The following PON1 variants were observed in gnomAD, a reference collection of about 807,000 sequenced individuals.
PON1 encodes the protein paraoxonase 1, also known as serum paraoxonase/arylesterase 1.
Under a neutral mutation model 39.2 loss-of-function variants are expected in PON1, and 37 were observed. The observed-to-expected ratio is 0.94, with a 90% CI of 0.73 to 1.24. The LOEUF is 1.24. PON1 is among the 50% of genes most tolerant of loss of function. PON1 has a pLI of 0.00. For synonymous variants in PON1, 148 were observed against 152.2 expected (o/e 0.97, Z 0.21); for missense variants, 397 against 413.5 (o/e 0.96, Z 0.35).
intron 8 of PON1, 83 bp downstream of exon 8, chr7:95,302,122 C>CAAAAAAAAAAAAA (rs1491528427): frequency 7.8e-6 from 3 of 383,276 alleles, no homozygotes; most frequent in Admixed American, 1.2e-4. Context: ...AAAAAAAAAA[C>CAAAAAAAAAAAAA]CAAGAATTGA....
At chr7:95,319,266 C>T (rs1049048057) in intron 1 of PON1, among the ~76,000 whole-genome samples, 1 of 151,242 alleles carries the variant, frequency 6.6e-6, no homozygotes, top group Non-Finnish European at 1.5e-5. Flanking sequence ...ATGACTTGAA[C>T]TCACAGGAGG....
intron 1 of PON1, among the ~76,000 whole-genome samples, chr7:95,320,273 G>A (rs936502706): frequency 6.6e-6 from 1 of 152,218 alleles, no homozygotes; most frequent in African/African-American, 2.4e-5. Flanking sequence ...CACAAAAGAT[G>A]GAGAAAGGCA....
At chr7:95,318,536 G>T in intron 1 of PON1, 143 bp from the exon 2 acceptor site, 1 of 723,382 alleles carries the variant, frequency 1.4e-6, no homozygotes, top group Non-Finnish European at 2.4e-6. Flanking sequence ...ATTTTTCCAG[G>T]CAAGGCCAGG....
At chr7:95,318,077 CTTTTTTTCT>C (rs1347377117) in intron 2 of PON1, among the ~76,000 whole-genome samples, 8 of 111,104 alleles carry the variant, frequency 7.2e-5, no homozygotes, top group Non-Finnish European at 1.1e-4. Context: ...TTTCTTTTTT[CTTTTTTTCT>C]TTTTTTTTTT....
chr7:95,321,175 T>C (rs1192118510), intron 1 of PON1, among the ~76,000 whole-genome samples: 1 of 152,122 alleles, frequency 6.6e-6, no homozygotes, highest in Non-Finnish European at 1.5e-5. Context: ...GAGTGAGAAT[T>C]CACTCACTCC....
At chr7:95,300,089 C>T (rs372899033) in intron 8 of PON1, among the ~76,000 whole-genome samples, 11 of 152,302 alleles carry the variant, frequency 7.2e-5, no homozygotes, top group African/African-American at 2.4e-4. Context: ...GTTCAGTTTC[C>T]TTCACTTAAT....
chr7:95,306,442 T>A, intron 6 of PON1, 76 bp from the exon 7 acceptor site: 1 of 1,034,344 alleles, frequency 9.7e-7, no homozygotes, highest in Non-Finnish European at 1.5e-6. Flanking sequence ...TTGTAATACC[T>A]ATTCATAGGG....
intron 7 of PON1, among the ~76,000 whole-genome samples, chr7:95,304,772 TAATACGGTCTTTCAAA>T (rs1436994735): frequency 1.3e-5 from 2 of 152,228 alleles, no homozygotes; most frequent in Non-Finnish European, 2.9e-5. Flanking sequence ...TGATATTAAT[TAATACGGTCTTTCAAA>T]AGAAAGAATA....
Position 95,302,113 on chromosome 7 carries a change from A to AAC in PON1, c.909+91_909+92insGT, listed in dbSNP as rs1807443930. ...CTCTGTCACAAAAAAAAAAAAAAAA[A>AAC]AAAAAAAACCAAGAATTGAGAATTA... On this transcript the variant is annotated intron_variant, in intron 8 of 8. Transcript: ENST00000222381. 9.4e-6 allele frequency: 8 copies of AAC among 847,122 alleles called. No homozygotes were observed. In the African/African-American group the frequency reaches 1.5e-4, roughly 16 times the overall value. 52.5% of individuals were successfully genotyped at this position (847,122 alleles called of 1,614,324 possible).
chr7:95,324,487 G>T lies in PON1; in HGVS notation c.-12C>A. ...ATCAGCTTCGCCATGGTCGGGGATA[G>T]ACAAAGGGATCGATGGGCGCAGACA... On this transcript the variant is annotated 5_prime_UTR_variant, in exon 1 of 9. Transcript: ENST00000222381. 1 of 1,613,738 alleles carries T rather than the reference G, an allele frequency of 6.2e-7. No homozygotes were observed. The highest frequency in any genetic ancestry group is 1.1e-5 in the South Asian group (1 of 90,994).
chr7:95,318,139 A>C (rs1807812699), intron 2 of PON1, among the ~76,000 whole-genome samples, 184 bp downstream of exon 2: 1 of 149,960 alleles, frequency 6.7e-6, no homozygotes, highest in African/African-American at 2.5e-5. Flanking sequence ...CAAAACTCCC[A>C]ACACCTTGGC....
intron 6 of PON1, among the ~76,000 whole-genome samples, chr7:95,306,720 T>C (rs1410166226): frequency 6.6e-6 from 1 of 152,078 alleles, no homozygotes; most frequent in Non-Finnish European, 1.5e-5. Context: ...GGCTAGTGAG[T>C]TCTCTCTCGG....
intron 2 of PON1, among the ~76,000 whole-genome samples, chr7:95,318,060 T>C (rs1002472363): frequency 6.7e-6 from 1 of 148,954 alleles, no homozygotes; most frequent in Non-Finnish European, 1.5e-5. Flanking sequence ...TCAAACATTA[T>C]TCTATTTTTC....
Position 95,324,396 on chromosome 7 carries a change from A to G in PON1, c.74+6T>C. The G allele has an allele frequency of 6.2e-7, 1 of 1,613,972 alleles. No individual in the cohort carries two copies. The highest frequency in any genetic ancestry group is 8.5e-7 in the Non-Finnish European group (1 of 1,179,878). On this transcript the variant is annotated splice_donor_region_variant and intron_variant, in intron 1 of 8. Transcript: ENST00000222381. ...AGGCTGCAGCCCTCACCACAACCCAACTTACTGGTAAGAAGACTGGTGGTT... is the reference window on the plus strand; with the variant it reads ...AGGCTGCAGCCCTCACCACAACCCAGCTTACTGGTAAGAAGACTGGTGGTT...
intron 4 of PON1, among the ~76,000 whole-genome samples, chr7:95,314,151 G>A (rs1807714598): frequency 6.6e-6 from 1 of 152,074 alleles, no homozygotes; most frequent in African/African-American, 2.4e-5. Context: ...CTGAGCTCAG[G>A]AGTTCGAGAC....
At chr7:95,309,105 A>G (rs1807603286) in intron 5 of PON1, among the ~76,000 whole-genome samples, 1 of 152,162 alleles carries the variant, frequency 6.6e-6, no homozygotes, top group Non-Finnish European at 1.5e-5. Context: ...CAAGTTAGAC[A>G]GGCATGCAGA....
intron 8 of PON1, 97 bp downstream of exon 8, chr7:95,302,108 A>AAAAAAC: frequency 1.2e-6 from 1 of 810,326 alleles, no homozygotes; most frequent in African/African-American, 1.9e-5. Context: ...AAAAAAAAAA[A>AAAAAAC]AAAAAAAAAA....
intron 2 of PON1, among the ~76,000 whole-genome samples, chr7:95,317,154 A>G (rs1486852526): frequency 1.3e-5 from 2 of 152,206 alleles, no homozygotes; most frequent in African/African-American, 4.8e-5. Flanking sequence ...AATTACAAAT[A>G]TATGTTGATA....
chr7:95,322,996 T>TG (rs1807932903), intron 1 of PON1, among the ~76,000 whole-genome samples: 1 of 152,192 alleles, frequency 6.6e-6, no homozygotes, highest in Non-Finnish European at 1.5e-5. Flanking sequence ...TTGCTCCTGA[T>TG]GCAGGCCTCA....
Sources: gnomAD v4.1 joint callset for allele counts (sites outside exome capture counted in the v4.1 genomes callset) on GRCh38, gnomAD v4.1.1 for gene constraint, MANE v1.5 for transcripts, NCBI Gene and HGNC (gene_info 2026-07-23, HGNC 2026-07-21) for gene names.